SCARA5: variants seen among roughly 807,000 people sequenced by gnomAD.
SCARA5 encodes scavenger receptor class A member 5.
A neutral mutation model predicts 46.3 loss-of-function variants in SCARA5; 45 were observed. That is an observed-to-expected ratio of 0.97 (90% CI 0.76 to 1.24). The LOEUF (loss-of-function observed/expected upper bound fraction) is 1.24, where lower values mean the gene tolerates loss of function less well. SCARA5 is among the 50% of genes most tolerant of loss of function. The pLI, the probability that SCARA5 is intolerant of heterozygous loss-of-function variation, is 0.00. For synonymous variants in SCARA5, 333 were observed against 306.5 expected, an observed-to-expected ratio of 1.09 and a Z score of -0.90; for missense variants, 680 against 689.0, an observed-to-expected ratio of 0.99 and a Z score of 0.15.
At chr8:27,954,961 C>T (rs1421601662) in intron 3 of SCARA5, among the ~76,000 whole-genome samples, 1 of 152,196 alleles carries the variant, frequency 6.6e-6, no homozygotes, top group East Asian at 1.9e-4. Context: ...TTGTTTTTGA[C>T]AACAAGCAGG....
chr8:27,880,283 T>G (rs1192949300), intron 7 of SCARA5, among the ~76,000 whole-genome samples: 2 of 152,028 alleles, frequency 1.3e-5, no homozygotes, highest in Non-Finnish European at 2.9e-5. Context: ...TTCTGGACAT[T>G]GGCCTTGAAA....
intron 3 of SCARA5, among the ~76,000 whole-genome samples, chr8:27,945,278 C>T (rs752825300): frequency 1.3e-5 from 2 of 152,128 alleles, no homozygotes; most frequent in Non-Finnish European, 2.9e-5. Flanking sequence ...ACTTTGATCA[C>T]GATAGCTTTT....
At chr8:27,968,185 G>A (rs767970570) in intron 2 of SCARA5, among the ~76,000 whole-genome samples, 8 of 152,154 alleles carry the variant, frequency 5.3e-5, no homozygotes, top group Non-Finnish European at 1.2e-4. Flanking sequence ...GATCCACACT[G>A]CCCTGGTCCC....
intron 6 of SCARA5, 117 bp from the exon 7 acceptor site, chr8:27,904,951 G>T: frequency 1.1e-6 from 1 of 891,540 alleles, no homozygotes; most frequent in Non-Finnish European, 1.8e-6. Flanking sequence ...GCAGGAGCCA[G>T]CAGCAACTGG....
rs775120903 is a variant in SCARA5 at position 27,870,105 on chromosome 8, A to C, written c.*1829T>G. ...ACAAGACTTATGTTGTCCCTAATGG[A>C]AAGACCAAGTAAGAGAGTTATGTGC... On this transcript the variant is annotated 3_prime_UTR_variant, in exon 9 of 9. Coordinates refer to ENST00000354914, the MANE Select transcript of SCARA5 (RefSeq NM_173833.6). The C allele has an allele frequency of 2.0e-5, 3 of 152,170 alleles. No homozygotes were observed. Among genetic ancestry groups the C allele is most frequent in the Non-Finnish European group, 4.4e-5 (3 of 68,042 alleles). The allele number at this position is 152,170 out of a possible 1,614,324, so 9.4% of individuals were successfully genotyped here.
At chr8:27,886,696 A>G (rs1176627440) in intron 7 of SCARA5, among the ~76,000 whole-genome samples, 1 of 152,184 alleles carries the variant, frequency 6.6e-6, no homozygotes. Flanking sequence ...GGACGTCATC[A>G]TTTAAGAGGT....
chr8:27,934,410 A>T (rs1807823943), intron 3 of SCARA5, among the ~76,000 whole-genome samples: 1 of 152,226 alleles, frequency 6.6e-6, no homozygotes, highest in East Asian at 1.9e-4. Context: ...ACCAGAACTT[A>T]TAAAACTCAG....
chr8:27,911,339 A>G (rs1807371504), intron 4 of SCARA5, among the ~76,000 whole-genome samples: 1 of 152,136 alleles, frequency 6.6e-6, no homozygotes, highest in African/African-American at 2.4e-5. Flanking sequence ...TTATATCCCT[A>G]TACCTGCTGT....
intron 2 of SCARA5, among the ~76,000 whole-genome samples, chr8:27,984,529 TATCCATTCATTCATCCATCC>T: frequency 6.7e-6 from 1 of 149,782 alleles, no homozygotes; most frequent in African/African-American, 2.4e-5. Flanking sequence ...TTCATCCATC[TATCCATTCATTCATCCATCC>T]ATCCATTCAT....
chr8:27,923,546 GT>G (rs1464182875), intron 3 of SCARA5, among the ~76,000 whole-genome samples: 1 of 152,090 alleles, frequency 6.6e-6, no homozygotes, highest in Non-Finnish European at 1.5e-5. Flanking sequence ...TCTTTGTGTT[GT>G]TTGTTTGTTG....
chr8:27,950,871 C>G (rs563900867), intron 3 of SCARA5, among the ~76,000 whole-genome samples: 1 of 123,960 alleles, frequency 8.1e-6, no homozygotes, highest in African/African-American at 3.0e-5. Context: ...CAGCACTCAG[C>G]TTTATGGGAA....
intron 3 of SCARA5, among the ~76,000 whole-genome samples, chr8:27,930,987 C>T (rs991069658): frequency 2.0e-5 from 3 of 152,082 alleles, no homozygotes; most frequent in Non-Finnish European, 2.9e-5. Context: ...ATACAAGTGC[C>T]GAGAAAAAGG....
In SCARA5 at chr8:27,987,385, A is replaced by G. The variant is rs114496113; in HGVS notation, c.112+119T>C. 3.6e-3 allele frequency: 2,536 copies of G among 714,306 alleles called. 16 individuals carry two copies. Among genetic ancestry groups the G allele is most frequent in the African/African-American group, 0.017 (975 of 57,472 alleles). 44.2% of individuals were successfully genotyped at this position (714,306 alleles called of 1,614,324 possible). On this transcript the variant is annotated intron_variant, in intron 2 of 8. Transcript: ENST00000354914. ...TTAAAGCATAAAGTTCAATATATGC[A>G]CTATTACATGAGGAGGTCACAAGCA... is the stretch of plus-strand genomic sequence containing the variant.
chr8:27,897,222 T>C (rs1267416965), intron 7 of SCARA5, among the ~76,000 whole-genome samples: 7 of 152,022 alleles, frequency 4.6e-5, no homozygotes, highest in Non-Finnish European at 8.8e-5. Context: ...GGCTGTGAAG[T>C]TCATGTAGTG....
At chr8:27,881,131 T>C (rs547654755) in intron 7 of SCARA5, among the ~76,000 whole-genome samples, 1 of 152,208 alleles carries the variant, frequency 6.6e-6, no homozygotes, top group South Asian at 2.1e-4. Flanking sequence ...GGAAAGCAGT[T>C]TGGAGATTTC....
chr8:27,916,626 A>C (rs1449009828), intron 4 of SCARA5, among the ~76,000 whole-genome samples: 5 of 152,210 alleles, frequency 3.3e-5, no homozygotes, highest in African/African-American at 1.2e-4. Flanking sequence ...GCCCTTGTTC[A>C]AAAGCCAGGG....
At chr8:27,877,103 C>T (rs1806737302) in intron 8 of SCARA5, among the ~76,000 whole-genome samples, 1 of 152,148 alleles carries the variant, frequency 6.6e-6, no homozygotes. Context: ...TAGCCTGGCC[C>T]ATGCTAGGTG....
At chr8:27,928,660 T>G (rs537840175) in intron 3 of SCARA5, among the ~76,000 whole-genome samples, 1 of 142,878 alleles carries the variant, frequency 7.0e-6, no homozygotes, top group East Asian at 2.1e-4. Flanking sequence ...TTTTCTTTTC[T>G]TTTTTTTTCT....
Position 27,921,528 on chromosome 8 carries a change from TC to T in SCARA5, c.916+42del. 2.0e-6 allele frequency: 3 copies of T among 1,495,698 alleles called. No individual in the cohort carries two copies. The South Asian group carries it at 4.0e-5, about 20-fold the overall frequency. The allele number at this position is 1,495,698 out of a possible 1,614,324, so 92.7% of individuals were successfully genotyped here. ...AGGGGCGTGCAGGAGGAAGACCCCA[TC>T]AGAAGGGGCCGTGGGTGGAGGCAGC... is the stretch of plus-strand genomic sequence containing the variant. On this transcript the variant is annotated intron_variant, in intron 4 of 8. Transcript: ENST00000354914.
Sources: allele counts gnomAD v4.1 joint callset (sites outside exome capture counted in the v4.1 genomes callset), GRCh38; gene constraint gnomAD v4.1.1; transcripts MANE v1.5; gene names NCBI Gene and HGNC (gene_info 2026-07-23, HGNC 2026-07-21).